SLCO5A1: variants seen among roughly 807,000 people sequenced by gnomAD.
SLCO5A1 encodes solute carrier organic anion transporter family member 5A1.
Under a neutral mutation model 65.1 loss-of-function variants are expected in SLCO5A1, and 39 were observed. The ratio of observed to expected loss-of-function variants is 0.60; its 90% CI spans 0.46 to 0.78. The LOEUF (loss-of-function observed/expected upper bound fraction) is 0.78, where lower values mean the gene tolerates loss of function less well. Ranked by LOEUF, SLCO5A1 falls within the 30% of genes least tolerant of loss-of-function variation. The pLI is 0.00. For synonymous variants in SLCO5A1, 438 were observed against 415.7 expected, an observed-to-expected ratio of 1.05 and a Z score of -0.65; for missense variants, 1,029 against 1,069.4, an observed-to-expected ratio of 0.96 and a Z score of 0.53.
intron 2 of SLCO5A1, among the ~76,000 whole-genome samples, chr8:69,820,688 A>T (rs1423767855): frequency 6.6e-6 from 1 of 152,124 alleles, no homozygotes; most frequent in Non-Finnish European, 1.5e-5. Flanking sequence ...TATTTAAAAA[A>T]ATTAATAAAG....
chr8:69,714,840 C>T (rs1815437936), intron 5 of SLCO5A1: 1 of 152,078 alleles, frequency 6.6e-6, no homozygotes, highest in Non-Finnish European at 1.5e-5. Context: ...AACTCTTTAC[C>T]AACACAGGGA....
At chr8:69,735,810 A>G (rs1816528755) in intron 5 of SLCO5A1, among the ~76,000 whole-genome samples, 1 of 152,236 alleles carries the variant, frequency 6.6e-6, no homozygotes, top group Non-Finnish European at 1.5e-5. Context: ...CTGCACATGT[A>G]TCCCAGAACT....
At chr8:69,821,390 A>G (rs1186540853) in intron 2 of SLCO5A1, among the ~76,000 whole-genome samples, 1 of 151,778 alleles carries the variant, frequency 6.6e-6, no homozygotes, top group Non-Finnish European at 1.5e-5. Flanking sequence ...AAAATGAAGA[A>G]GAACAGGAAG....
At chr8:69,768,414 C>T (rs1818171618) in intron 2 of SLCO5A1, among the ~76,000 whole-genome samples, 1 of 152,160 alleles carries the variant, frequency 6.6e-6, no homozygotes, top group Admixed American at 6.5e-5. Flanking sequence ...CATCACTTGC[C>T]CATAGTCACA....
At chr8:69,683,977 C>A (rs1813898292) in intron 6 of SLCO5A1, among the ~76,000 whole-genome samples, 1 of 152,154 alleles carries the variant, frequency 6.6e-6, no homozygotes, top group Non-Finnish European at 1.5e-5. Context: ...CTCTTTCAAA[C>A]TTTGATAATG....
At chr8:69,797,841 G>T (rs1282089954) in intron 2 of SLCO5A1, among the ~76,000 whole-genome samples, 1 of 152,196 alleles carries the variant, frequency 6.6e-6, no homozygotes, top group African/African-American at 2.4e-5. Context: ...CCCCGGTCCT[G>T]TGGTCCTGTG....
Position 69,672,927 on chromosome 8 carries a change from C to T in SLCO5A1, c.2489G>A (p.Ser830Asn), listed in dbSNP as rs1233054986. Residue 830 changes from serine to asparagine, a missense_variant, in exon 10 of 10, where the codon AGT (serine) becomes AAT (asparagine). Around this residue, in one of 3 missense-constraint regions of SLCO5A1, gnomAD observed 258 missense variants for 237.4 expected, o/e 1.09. Transcript: ENST00000260126. ...TYPGPFPEAI[S>N]SSADPGLEES... ...TTCCAGCCCCGGGTCCGCAGAGGAA[C>T]TTATTGCTTCTGGGAAGGGCCCCGG... 1.9e-6 allele frequency: 3 copies of T among 1,614,234 alleles called. No homozygotes were observed. The highest frequency in any genetic ancestry group is 1.3e-5 in the African/African-American group (1 of 75,076).
intron 5 of SLCO5A1, among the ~76,000 whole-genome samples, chr8:69,732,025 T>C (rs909152906): frequency 1.3e-5 from 2 of 152,220 alleles, no homozygotes; most frequent in Non-Finnish European, 2.9e-5. Context: ...CATAAACTTA[T>C]ATAAAAGCTG....
At chr8:69,813,998 G>A (rs1184037899) in intron 2 of SLCO5A1, among the ~76,000 whole-genome samples, 2 of 152,166 alleles carry the variant, frequency 1.3e-5, no homozygotes. Flanking sequence ...AATGTGAGAA[G>A]TAGGATAACT....
chr8:69,716,752 T>A (rs1362232430), intron 5 of SLCO5A1, among the ~76,000 whole-genome samples: 1 of 151,808 alleles, frequency 6.6e-6, no homozygotes, highest in African/African-American at 2.4e-5. Context: ...TTTGCAAATA[T>A]TTTCTCCCAT....
At chr8:69,784,840 A>AAAGAAAGAAAGG (rs1818951898) in intron 2 of SLCO5A1, among the ~76,000 whole-genome samples, 1 of 147,694 alleles carries the variant, frequency 6.8e-6, no homozygotes, top group Admixed American at 6.9e-5. Context: ...AGAAAGAAAG[A>AAAGAAAGAAAGG]AAGAAAGAAA....
chr8:69,796,056 C>G (rs1038789116), intron 2 of SLCO5A1, among the ~76,000 whole-genome samples: 3 of 152,168 alleles, frequency 2.0e-5, no homozygotes, highest in African/African-American at 7.2e-5. Context: ...GCAGGGGGGG[C>G]CCTGGGTCTG....
intron 3 of SLCO5A1, among the ~76,000 whole-genome samples, chr8:69,761,179 C>T (rs1817755699): frequency 6.6e-6 from 1 of 152,174 alleles, no homozygotes; most frequent in African/African-American, 2.4e-5. Flanking sequence ...CCAGTGTCCC[C>T]AAACCCTCTG....
chr8:69,683,924 T>C (rs1813896064), intron 6 of SLCO5A1, among the ~76,000 whole-genome samples: 1 of 152,196 alleles, frequency 6.6e-6, no homozygotes. Context: ...ATCCCAATCA[T>C]GCGTGTTAAT....
chr8:69,669,617 C>G lies in SLCO5A1; in HGVS notation c.*3252G>C, dbSNP rs1203330820. On this transcript the variant is annotated 3_prime_UTR_variant, in exon 10 of 10. Coordinates refer to ENST00000260126, the MANE Select transcript of SLCO5A1 (RefSeq NM_030958.3). ...ATCACTTGAGGTCAGGAGTTCAAGA[C>G]CAGCCTGGCCAACATGGTGAAACCC... The G allele has an allele frequency of 6.6e-6, 1 of 152,048 alleles. No homozygotes were observed. The highest frequency in any genetic ancestry group is 1.5e-5 in the Non-Finnish European group (1 of 68,030). 9.4% of individuals were successfully genotyped at this position (152,048 alleles called of 1,614,324 possible).
chr8:69,810,619 G>GA (rs1406889144), intron 2 of SLCO5A1, among the ~76,000 whole-genome samples: 1 of 152,140 alleles, frequency 6.6e-6, no homozygotes, highest in Non-Finnish European at 1.5e-5. Flanking sequence ...TAATTAAGTA[G>GA]AAAAATCAAT....
chr8:69,676,231 T>G (rs931465914), intron 9 of SLCO5A1, among the ~76,000 whole-genome samples: 9 of 152,200 alleles, frequency 5.9e-5, no homozygotes, highest in African/African-American at 2.2e-4. Flanking sequence ...CATTGAAAAC[T>G]TCACAAATAA....
At chr8:69,767,798 G>A (rs1019376246) in intron 2 of SLCO5A1, among the ~76,000 whole-genome samples, 1 of 146,114 alleles carries the variant, frequency 6.8e-6, no homozygotes, top group South Asian at 2.2e-4. Flanking sequence ...GCTGAGGCAG[G>A]AGAATCACTT....
At chr8:69,773,028 G>C (rs1401798704) in intron 2 of SLCO5A1, 28 of 903,668 alleles carry the variant, frequency 3.1e-5, no homozygotes, top group East Asian at 1.2e-4. Flanking sequence ...GACAGAGAAG[G>C]CTTCATGGAT....
Sources: gnomAD v4.1 joint callset for allele counts (sites outside exome capture counted in the v4.1 genomes callset) on GRCh38, gnomAD v4.1.1 for gene constraint, gnomAD v4.1.1 regional missense constraint, MANE v1.5 for transcripts, NCBI Gene and HGNC (gene_info 2026-07-23, HGNC 2026-07-21) for gene names.